The following DIP2C variants were observed in gnomAD, a reference collection of about 807,000 sequenced individuals.
The protein encoded by DIP2C is DIP2 acetate--CoA ligase C (putative).
Under a neutral mutation model 192.4 loss-of-function variants are expected in DIP2C, and 33 were observed. The observed-to-expected ratio is 0.17, with a 90% CI of 0.13 to 0.23. DIP2C has a LOEUF of 0.23. DIP2C is among the 10% of genes least tolerant of loss of function. The pLI is 1.00. For missense variants in DIP2C, 1,537 were observed against 2,110.1 expected (o/e 0.73, Z 5.32); for synonymous variants, 979 against 864.1 (o/e 1.13, Z -2.33).
intron 1 of DIP2C, among the ~76,000 whole-genome samples, chr10:603,360 A>G (rs1852233728): frequency 6.7e-6 from 1 of 148,172 alleles, no homozygotes; most frequent in African/African-American, 2.5e-5. Flanking sequence ...GCTGCTTCAT[A>G]CTAGTAATGT....
Position 363,349 on chromosome 10 carries a change from G to A in DIP2C, c.2478-38C>T, listed in dbSNP as rs1589612455. The A allele has an allele frequency of 3.8e-6, 6 of 1,583,068 alleles. No homozygotes were observed. The highest frequency in any genetic ancestry group is 1.3e-5 in the African/African-American group (1 of 74,464). ...AGGAGCATGGTGAGCACGCGCCGGG[G>A]ACGCTCATGCAGCCCTCCCTCCGCC... On this transcript the variant is annotated intron_variant, in intron 20 of 36. Coordinates refer to ENST00000280886, the MANE Select transcript of DIP2C (RefSeq NM_014974.3). This position sits in a 1 kb window ranked among gnomAD's most constrained non-coding sequence, Gnocchi z 5.4.
intron 4 of DIP2C, among the ~76,000 whole-genome samples, chr10:424,994 TAC>T (rs1966484204): frequency 7.0e-6 from 1 of 142,018 alleles, no homozygotes; most frequent in Non-Finnish European, 1.5e-5. Context: ...ACACGGATGA[TAC>T]AGCATGACCA....
At chr10:575,030 C>T (rs951724050) in intron 1 of DIP2C, among the ~76,000 whole-genome samples, 6 of 152,192 alleles carry the variant, frequency 3.9e-5, no homozygotes, top group East Asian at 1.9e-4. Flanking sequence ...AGATGCCAGG[C>T]GCTCACAAAC....
At chr10:477,695 A>AAAGCGGAGG (rs1843168535) in intron 2 of DIP2C, among the ~76,000 whole-genome samples, 1 of 130,610 alleles carries the variant, frequency 7.7e-6, no homozygotes, top group Non-Finnish European at 1.6e-5. Flanking sequence ...GAAAGCGGAG[A>AAAGCGGAGG]AAAGGAAAGA....
intron 1 of DIP2C, among the ~76,000 whole-genome samples, chr10:532,748 TATGGGTGTGTGA>T (rs1847484249): frequency 1.5e-5 from 2 of 130,516 alleles, no homozygotes; most frequent in Admixed American, 8.0e-5. Context: ...TGAGAGAGAG[TATGGGTGTGTGA>T]GAGAGTATGG....
At chr10:618,729 T>G (rs1853639905) in intron 1 of DIP2C, among the ~76,000 whole-genome samples, 1 of 152,196 alleles carries the variant, frequency 6.6e-6, no homozygotes, top group Non-Finnish European at 1.5e-5. Context: ...CTCTGCCAGA[T>G]CAGGATAAGT....
Position 274,787 on chromosome 10 carries a change from T to C in DIP2C, c.*2538A>G, listed in dbSNP as rs1220835777. The C allele has an allele frequency of 6.6e-6, 1 of 152,256 alleles. No homozygotes were observed. Among genetic ancestry groups the C allele is most frequent in the Non-Finnish European group, 1.5e-5 (1 of 68,042 alleles). 9.4% of individuals were successfully genotyped at this position (152,256 alleles called of 1,614,324 possible). On this transcript the variant is annotated 3_prime_UTR_variant, in exon 37 of 37. Coordinates refer to ENST00000280886, the MANE Select transcript of DIP2C (RefSeq NM_014974.3). ...TAGGTCTGTGTTTATATGTTCACTG[T>C]GTACCCTCTTTTTGTGCAAGTTGAT...
chr10:647,142 G>C (rs1385073106), intron 1 of DIP2C, among the ~76,000 whole-genome samples: 2 of 151,966 alleles, frequency 1.3e-5, no homozygotes, highest in Non-Finnish European at 2.9e-5. Flanking sequence ...CGGTGGGAGA[G>C]AACAGAGGAA....
intron 1 of DIP2C, among the ~76,000 whole-genome samples, chr10:570,972 G>A (rs1374593725): frequency 6.6e-6 from 1 of 152,176 alleles, no homozygotes; most frequent in Non-Finnish European, 1.5e-5. Flanking sequence ...ACTCCCACCG[G>A]AGCCCCGGCA....
At chr10:316,515 A>G (rs1192435439) in intron 31 of DIP2C, among the ~76,000 whole-genome samples, 1 of 152,196 alleles carries the variant, frequency 6.6e-6, no homozygotes, top group Non-Finnish European at 1.5e-5. Context: ...TACGTTACAC[A>G]TGGTGAAGGG....
intron 1 of DIP2C, among the ~76,000 whole-genome samples, chr10:534,876 C>G (rs970093528): frequency 2.6e-5 from 4 of 151,572 alleles, no homozygotes; most frequent in Non-Finnish European, 4.4e-5. Context: ...CGGGGTTTCA[C>G]CTTGTTAGCC....
chr10:432,486 TTTA>T (rs1210372945), intron 4 of DIP2C, among the ~76,000 whole-genome samples: 1 of 152,206 alleles, frequency 6.6e-6, no homozygotes, highest in African/African-American at 2.4e-5. Context: ...TTTCATAATA[TTTA>T]TTATCCTTTT....
chr10:308,879 C>T (rs977529207), intron 32 of DIP2C, among the ~76,000 whole-genome samples: 5 of 152,188 alleles, frequency 3.3e-5, no homozygotes, highest in Non-Finnish European at 7.3e-5. Context: ...GAGCTCTCAG[C>T]CACTGGCCGT....
intron 1 of DIP2C, among the ~76,000 whole-genome samples, chr10:671,928 G>C (rs1830665712): frequency 1.4e-5 from 2 of 142,738 alleles, no homozygotes; most frequent in Non-Finnish European, 3.0e-5. Flanking sequence ...CACGGAAGGA[G>C]GAAACAGGCC....
chr10:613,418 G>A, intron 1 of DIP2C, among the ~76,000 whole-genome samples: 1 of 152,194 alleles, frequency 6.6e-6, no homozygotes, highest in African/African-American at 2.4e-5. Context: ...GGCCCGGGAG[G>A]AACTGCAGCA....
chr10:470,558 A>T (rs1014684887), intron 3 of DIP2C, among the ~76,000 whole-genome samples: 7 of 152,170 alleles, frequency 4.6e-5, no homozygotes, highest in African/African-American at 1.4e-4. Flanking sequence ...TTTTATCAAG[A>T]GAGAAGACCG....
intron 3 of DIP2C, among the ~76,000 whole-genome samples, chr10:469,008 G>A: frequency 6.6e-6 from 1 of 151,910 alleles, no homozygotes; most frequent in East Asian, 1.9e-4. Context: ...CATCTGTGCA[G>A]GTGCATGAGC....
intron 1 of DIP2C, among the ~76,000 whole-genome samples, chr10:518,429 T>C (rs1846499860): frequency 6.6e-6 from 1 of 152,212 alleles, no homozygotes; most frequent in African/African-American, 2.4e-5. Context: ...CCACACAGGC[T>C]TTCCCCCAGA....
chr10:308,123 G>A (rs982962095), intron 32 of DIP2C, among the ~76,000 whole-genome samples: 2 of 152,202 alleles, frequency 1.3e-5, no homozygotes, highest in Non-Finnish European at 2.9e-5. Context: ...GGCGGGGCCC[G>A]GTGAAAGGAA....
Sources: allele counts gnomAD v4.1 joint callset (sites outside exome capture counted in the v4.1 genomes callset), GRCh38; gene constraint gnomAD v4.1.1; non-coding constraint Gnocchi (gnomAD v3.1); transcripts MANE v1.5; gene names NCBI Gene and HGNC (gene_info 2026-07-23, HGNC 2026-07-21).